FBXL13: variants seen among roughly 807,000 people sequenced by gnomAD.
FBXL13 encodes the protein F-box and leucine-rich repeat protein 13.
FBXL13 carries 67 observed loss-of-function variants against 83.6 expected under a neutral mutation model. The ratio of observed to expected loss-of-function variants is 0.80; its 90% CI spans 0.66 to 0.98. The LOEUF (loss-of-function observed/expected upper bound fraction) is 0.98, where lower values mean the gene tolerates loss of function less well. Among genes scored for constraint, FBXL13 ranks in the 50% least tolerant of loss-of-function variants. The pLI is 0.00. For synonymous variants in FBXL13, 272 were observed against 299.5 expected (o/e 0.91, Z 0.95); for missense variants, 822 against 866.5 (o/e 0.95, Z 0.64).
chr7:103,036,436 T>C (rs1278919689), intron 2 of FBXL13, among the ~76,000 whole-genome samples: 1 of 152,188 alleles, frequency 6.6e-6, no homozygotes, highest in Non-Finnish European at 1.5e-5. Context: ...TCTTTATATA[T>C]AGCAGCACGG....
Position 102,883,694 on chromosome 7 carries a change from G to A in FBXL13, c.1108-9C>T, listed in dbSNP as rs1563041208. 2 of 1,518,362 alleles carry A rather than the reference G, an allele frequency of 1.3e-6. No homozygotes were observed. Among genetic ancestry groups the A allele is most frequent in the Admixed American group, 3.5e-5 (2 of 56,630 alleles). 94.1% of individuals were successfully genotyped at this position (1,518,362 alleles called of 1,614,324 possible). ...CATTTTTCAACTAAAGCCTTTAGAA[G>A]AAAAAAATGATTAAATTAATCAAGT... On this transcript the variant is annotated splice_polypyrimidine_tract_variant and intron_variant, in intron 12 of 19. Coordinates refer to ENST00000313221, the Ensembl canonical transcript of FBXL13.
chr7:102,970,338 T>C (rs1826492241), intron 6 of FBXL13, among the ~76,000 whole-genome samples: 1 of 152,054 alleles, frequency 6.6e-6, no homozygotes, highest in East Asian at 1.9e-4. Context: ...AATAATAAAT[T>C]CATTTTTTTT....
chr7:102,928,349 T>C (rs772961537), intron 9 of FBXL13, among the ~76,000 whole-genome samples: 1 of 152,250 alleles, frequency 6.6e-6, no homozygotes, highest in Non-Finnish European at 1.5e-5. Context: ...GAATGACTTA[T>C]GAATTTGTCC....
intron 8 of FBXL13, among the ~76,000 whole-genome samples, chr7:102,958,306 T>C (rs1369096167): frequency 4.0e-5 from 6 of 151,726 alleles, no homozygotes. Flanking sequence ...AAACACCGCA[T>C]GTTCTCATTC....
chr7:102,867,695 A>T (rs144174024), intron 16 of FBXL13, among the ~76,000 whole-genome samples: 1,478 of 49,136 alleles, frequency 0.03, 60 homozygotes, highest in Non-Finnish European at 0.032. Context: ...ATATATATAT[A>T]TTTTTTTTTT....
rs1388190676 is a variant in FBXL13, at chr7:102,883,254, AC to A, written c.1388+50del. The A allele has an allele frequency of 2.6e-6, 4 of 1,537,944 alleles. No individual in the cohort carries two copies. In the African/African-American group the frequency reaches 5.6e-5, roughly 21 times the overall value. ...TAAGTTCCTTAGGAGAGAACCTGGC[AC>A]ATACTAGATAATCAACGTTTCTTGA... On this transcript the variant is annotated intron_variant, in intron 14 of 19. Coordinates refer to ENST00000313221, the Ensembl canonical transcript of FBXL13.
At chr7:102,960,066 T>C (rs934454879) in intron 8 of FBXL13, among the ~76,000 whole-genome samples, 1 of 151,952 alleles carries the variant, frequency 6.6e-6, no homozygotes, top group Non-Finnish European at 1.5e-5. Context: ...TTGAGGGAAG[T>C]GAAAAAAGAT....
At chr7:103,003,660 C>A (rs1045068733) in intron 6 of FBXL13, among the ~76,000 whole-genome samples, 15 of 152,130 alleles carry the variant, frequency 9.9e-5, no homozygotes, top group African/African-American at 3.6e-4. Context: ...CGGCTCACTG[C>A]AACCTCTGCC....
chr7:102,851,585 C>T (rs535036637), intron 17 of FBXL13, among the ~76,000 whole-genome samples: 1 of 148,754 alleles, frequency 6.7e-6, no homozygotes, highest in South Asian at 2.1e-4. Context: ...CTCTTTCTTT[C>T]TCTCTCTCTT....
At chr7:103,060,063 T>TATATATATA (rs1429819167) in intron 1 of FBXL13, among the ~76,000 whole-genome samples, 1 of 115,242 alleles carries the variant, frequency 8.7e-6, no homozygotes, top group East Asian at 3.2e-4. Flanking sequence ...TATATATATA[T>TATATATATA]ACTTTTTTTT....
At chr7:102,921,804 A>T (rs1817089018) in intron 10 of FBXL13, among the ~76,000 whole-genome samples, 1 of 152,250 alleles carries the variant, frequency 6.6e-6, no homozygotes, top group Non-Finnish European at 1.5e-5. Flanking sequence ...GAAATAATTC[A>T]GTCCACATTT....
intron 17 of FBXL13, among the ~76,000 whole-genome samples, chr7:102,834,206 T>A (rs982136761): frequency 6.6e-6 from 1 of 150,946 alleles, no homozygotes; most frequent in Non-Finnish European, 1.5e-5. Flanking sequence ...ATTATTATAA[T>A]TATCTACATG....
chr7:102,944,158 T>C (rs377630477), intron 8 of FBXL13: 7 of 1,438,902 alleles, frequency 4.9e-6, no homozygotes, highest in Non-Finnish European at 6.6e-6. Context: ...CCATATGCCA[T>C]ACACTGTATT....
chr7:102,857,274 T>A (rs1008809868), intron 16 of FBXL13, among the ~76,000 whole-genome samples: 2 of 151,768 alleles, frequency 1.3e-5, no homozygotes, highest in Non-Finnish European at 1.5e-5. Context: ...AAGGAAACAA[T>A]AAACAAAGTG....
intron 8 of FBXL13, among the ~76,000 whole-genome samples, chr7:102,959,497 A>C (rs1824837476): frequency 6.6e-6 from 1 of 152,020 alleles, no homozygotes; most frequent in Non-Finnish European, 1.5e-5. Flanking sequence ...CAAATTGAAA[A>C]GTTATATACA....
At chr7:102,922,085 G>A (rs551949822) in intron 10 of FBXL13, among the ~76,000 whole-genome samples, 1 of 151,962 alleles carries the variant, frequency 6.6e-6, no homozygotes, top group Non-Finnish European at 1.5e-5. Flanking sequence ...AGTTACTCAG[G>A]AGGCTGAGGC....
chr7:102,922,658 C>T (rs970414346), intron 10 of FBXL13, among the ~76,000 whole-genome samples: 2 of 152,240 alleles, frequency 1.3e-5, no homozygotes, highest in South Asian at 2.1e-4. Context: ...ATAAATGTAG[C>T]CAGCCAACCA....
chr7:102,859,093 T>C lies in FBXL13; in HGVS notation c.1636-4233A>G, dbSNP rs139944909. On this transcript the variant is annotated intron_variant, in intron 16 of 19. Coordinates refer to ENST00000313221, the Ensembl canonical transcript of FBXL13. ...AAAATATTCCTACAGCATCCTTAAG[T>C]CCAAGATGAATACAGATGTTACCCA... Among the ~76,000 whole-genome samples the C allele has an allele frequency of 2.8e-3, 434 of 152,334 alleles. 10 individuals carry two copies. Among genetic ancestry groups the C allele is most frequent in the Admixed American group, 0.026 (397 of 15,304 alleles).
intron 11 of FBXL13, among the ~76,000 whole-genome samples, chr7:102,893,767 C>CAA (rs1300370815): frequency 7.5e-4 from 36 of 47,896 alleles, no homozygotes; most frequent in African/African-American, 2.2e-3. Flanking sequence ...GACTCTGTCT[C>CAA]AAAAAAAAAA....
Sources: allele counts gnomAD v4.1 joint callset (sites outside exome capture counted in the v4.1 genomes callset), GRCh38; gene constraint gnomAD v4.1.1; transcripts MANE v1.5; gene names NCBI Gene and HGNC (gene_info 2026-07-23, HGNC 2026-07-21).